The following OR9Q1 variants were observed in gnomAD, a reference collection of about 807,000 sequenced individuals.
OR9Q1 encodes olfactory receptor 9Q1.
For synonymous variants in OR9Q1, 153 were observed against 148.6 expected, an observed-to-expected ratio of 1.03 and a Z score of -0.22; for missense variants, 374 against 378.8, an observed-to-expected ratio of 0.99 and a Z score of 0.11.
chr11:58,089,129 C>T (rs1259318231), intron 2 of OR9Q1, among the ~76,000 whole-genome samples: 5 of 151,722 alleles, frequency 3.3e-5, no homozygotes, highest in African/African-American at 1.2e-4. Context: ...TCACCCACCT[C>T]GGCTTCCCAA....
intron 2 of OR9Q1, chr11:58,078,336 C>G (rs558789403): frequency 3.9e-5 from 6 of 152,172 alleles, no homozygotes; most frequent in Non-Finnish European, 8.8e-5. Context: ...CTTTTATTAG[C>G]GGCCATAGGA....
chr11:58,047,921 C>T (rs1313559922), intron 1 of OR9Q1, among the ~76,000 whole-genome samples: 2 of 152,118 alleles, frequency 1.3e-5, no homozygotes, highest in African/African-American at 2.4e-5. Flanking sequence ...GGACAGTTCT[C>T]CCATATCTAT....
chr11:58,107,392 C>T (rs912744088), intron 2 of OR9Q1, among the ~76,000 whole-genome samples: 2 of 152,052 alleles, frequency 1.3e-5, no homozygotes, highest in Non-Finnish European at 2.9e-5. Context: ...ATAGTTTGCT[C>T]AGAATGATGG....
rs1206067942 is a variant in OR9Q1, at chr11:58,064,915, TACACACACACA to T, written c.-15+8977_-15+8987del. Among the ~76,000 whole-genome samples the T allele has an allele frequency of 2.0e-5, 3 of 151,640 alleles. No homozygotes were observed. The East Asian group carries it at 5.8e-4, about 30-fold the overall frequency. Reference sequence around the variant, plus strand: ...GGAGAATTCTAGAGATTTAGACACATACACACACACAACACACACGCACACAAGCAGATAGA... The same window carrying T: ...GGAGAATTCTAGAGATTTAGACACATACACACACGCACACAAGCAGATAGA... On this transcript the variant is annotated intron_variant, in intron 2 of 2. Coordinates refer to ENST00000335397, the MANE Select transcript of OR9Q1 (RefSeq NM_001005212.4).
chr11:58,080,293 G>T (rs1213342209), intron 2 of OR9Q1, among the ~76,000 whole-genome samples: 1 of 152,092 alleles, frequency 6.6e-6, no homozygotes, highest in African/African-American at 2.4e-5. Flanking sequence ...GCTGCCTGCT[G>T]CATCCATGTT....
chr11:58,098,549 G>T (rs963635731), intron 2 of OR9Q1, among the ~76,000 whole-genome samples: 1 of 152,132 alleles, frequency 6.6e-6, no homozygotes, highest in Non-Finnish European at 1.5e-5. Flanking sequence ...CAGGAGAATG[G>T]CATGAACCCA....
intron 1 of OR9Q1, among the ~76,000 whole-genome samples, chr11:58,029,701 C>G (rs973097175): frequency 1.3e-5 from 2 of 152,074 alleles, no homozygotes; most frequent in African/African-American, 2.4e-5. Context: ...AATTCAAACC[C>G]AGTGTGGATT....
intron 2 of OR9Q1, among the ~76,000 whole-genome samples, chr11:58,099,454 T>C (rs1853762942): frequency 6.6e-6 from 1 of 151,954 alleles, no homozygotes; most frequent in Non-Finnish European, 1.5e-5. Context: ...CTTGTCATTA[T>C]GAAATGTTTT....
At chr11:58,152,423 A>T (rs577268524) in intron 2 of OR9Q1, among the ~76,000 whole-genome samples, 1 of 152,114 alleles carries the variant, frequency 6.6e-6, no homozygotes, top group Non-Finnish European at 1.5e-5. Flanking sequence ...AGCACTTGGG[A>T]GCATTTGTTT....
At chr11:58,031,485 T>C in intron 1 of OR9Q1, 1 of 1,614,180 alleles carries the variant, frequency 6.2e-7, no homozygotes, top group Non-Finnish European at 8.5e-7. Context: ...CCAAATGTCA[T>C]TGACCATTTC....
At chr11:58,083,874 G>C (rs1168149558) in intron 2 of OR9Q1, among the ~76,000 whole-genome samples, 1 of 151,916 alleles carries the variant, frequency 6.6e-6, no homozygotes, top group African/African-American at 2.4e-5. Context: ...TAATGGCATA[G>C]TTTGAAGTTG....
At chr11:58,156,148 G>A (rs983952114) in intron 2 of OR9Q1, among the ~76,000 whole-genome samples, 2 of 152,076 alleles carry the variant, frequency 1.3e-5, no homozygotes, top group East Asian at 3.9e-4. Context: ...GCTGACCTCA[G>A]GTGATCCACC....
At chr11:58,136,763 G>A (rs1018703022) in intron 2 of OR9Q1, among the ~76,000 whole-genome samples, 2 of 152,108 alleles carry the variant, frequency 1.3e-5, no homozygotes, top group South Asian at 4.1e-4. Flanking sequence ...AAGCTTAGAA[G>A]GATCACATTA....
intron 2 of OR9Q1, among the ~76,000 whole-genome samples, chr11:58,122,075 G>A (rs1029609924): frequency 2.6e-5 from 4 of 152,178 alleles, no homozygotes; most frequent in Non-Finnish European, 5.9e-5. Flanking sequence ...CTGCCAGGAA[G>A]AGGTTTTGAA....
chr11:58,115,427 A>T (rs1853943423), intron 2 of OR9Q1, among the ~76,000 whole-genome samples: 1 of 152,224 alleles, frequency 6.6e-6, no homozygotes, highest in Non-Finnish European at 1.5e-5. Context: ...CATGTTATTA[A>T]TAATTAGCTG....
intron 2 of OR9Q1, among the ~76,000 whole-genome samples, chr11:58,062,683 C>A (rs57508818): frequency 0.014 from 2,110 of 152,270 alleles, 61 homozygotes; most frequent in African/African-American, 0.048. Context: ...GGGGATTGTA[C>A]TAATTTCATG....
At chr11:58,160,686 G>GAT (rs1056333829) in intron 2 of OR9Q1, among the ~76,000 whole-genome samples, 3 of 152,092 alleles carry the variant, frequency 2.0e-5, no homozygotes, top group Non-Finnish European at 2.9e-5. Context: ...TGTCCAGCCT[G>GAT]ATATATATAT....
intron 1 of OR9Q1, chr11:58,031,027 A>G: frequency 6.2e-7 from 1 of 1,614,162 alleles, no homozygotes; most frequent in South Asian, 1.1e-5. Flanking sequence ...TCCATGAAGC[A>G]CACCTCCTCT....
intron 1 of OR9Q1, among the ~76,000 whole-genome samples, chr11:58,053,320 T>C (rs1853286483): frequency 6.6e-6 from 1 of 151,018 alleles, no homozygotes; most frequent in African/African-American, 2.4e-5. Flanking sequence ...AAATTGGAAA[T>C]CATCATTCTC....
Sources: allele counts gnomAD v4.1 joint callset (sites outside exome capture counted in the v4.1 genomes callset), GRCh38; gene constraint gnomAD v4.1.1; transcripts MANE v1.5; gene names NCBI Gene and HGNC (gene_info 2026-07-23, HGNC 2026-07-21).